Variants in YTHDC2 observed in about 807,000 individuals in gnomAD.
The protein encoded by YTHDC2 is YTH N6-methyladenosine RNA binding protein C2.
YTHDC2 carries 45 observed loss-of-function variants against 174.9 expected under a neutral mutation model. That is an observed-to-expected ratio of 0.26 (90% CI 0.20 to 0.33). The LOEUF is 0.33. YTHDC2 is among the 10% of genes least tolerant of loss of function. YTHDC2 has a pLI of 1.00. For missense variants in YTHDC2, 1,650 were observed against 1,723.7 expected (o/e 0.96, Z 0.76); for synonymous variants, 657 against 574.5 (o/e 1.14, Z -2.05).
At chr5:113,518,709 C>G (rs2112522377) in intron 2 of YTHDC2, among the ~76,000 whole-genome samples, 1 of 151,894 alleles carries the variant, frequency 6.6e-6, no homozygotes. Context: ...GACTCATTCT[C>G]TTATTTGGGC....
intron 24 of YTHDC2, 94 bp downstream of exon 24, chr5:113,579,789 C>T: frequency 7.4e-7 from 1 of 1,347,868 alleles, no homozygotes; most frequent in Non-Finnish European, 9.6e-7. Context: ...TACTATTGAG[C>T]CCTTAGTATC....
chr5:113,531,682 G>A (rs966594318), intron 4 of YTHDC2, among the ~76,000 whole-genome samples: 3 of 151,564 alleles, frequency 2.0e-5, no homozygotes, highest in African/African-American at 7.3e-5. Context: ...CCCACATCTG[G>A]ATGAACTAGT....
intron 16 of YTHDC2, among the ~76,000 whole-genome samples, chr5:113,555,164 G>A (rs946671905): frequency 6.6e-6 from 1 of 151,912 alleles, no homozygotes; most frequent in Non-Finnish European, 1.5e-5. Flanking sequence ...AGTGGATAAA[G>A]TGGGTTTTGA....
intron 19 of YTHDC2, 34 bp downstream of exon 19, chr5:113,563,526 T>A (rs753303121): frequency 4.1e-5 from 63 of 1,545,472 alleles, no homozygotes; most frequent in Non-Finnish European, 3.7e-5. Flanking sequence ...TTACATGACA[T>A]TTTTACTTGA....
intron 10 of YTHDC2, among the ~76,000 whole-genome samples, chr5:113,543,163 C>T (rs1019245852): frequency 6.6e-6 from 1 of 152,072 alleles, no homozygotes; most frequent in African/African-American, 2.4e-5. Flanking sequence ...CTCATCTACC[C>T]CCAGATTTAA....
chr5:113,555,553 A>T (rs1020670970), intron 16 of YTHDC2, among the ~76,000 whole-genome samples: 1 of 152,194 alleles, frequency 6.6e-6, no homozygotes, highest in African/African-American at 2.4e-5. Context: ...TTAGTAGCTC[A>T]GCAGGAAGTA....
intron 26 of YTHDC2, among the ~76,000 whole-genome samples, chr5:113,586,411 AG>A (rs1240646893): frequency 1.1e-4 from 16 of 152,036 alleles, no homozygotes; most frequent in African/African-American, 3.9e-4. Context: ...TCTGGGTACA[AG>A]GCTTAATTAT....
chr5:113,551,734 A>G (rs1004370343), intron 12 of YTHDC2, among the ~76,000 whole-genome samples: 2 of 152,186 alleles, frequency 1.3e-5, no homozygotes, highest in Non-Finnish European at 2.9e-5. Context: ...GTGCACATGT[A>G]TCCCAGAACT....
intron 17 of YTHDC2, among the ~76,000 whole-genome samples, chr5:113,558,390 G>A (rs758147376): frequency 7.2e-5 from 11 of 152,260 alleles, no homozygotes; most frequent in Non-Finnish European, 1.6e-4. Context: ...CCTATAATAA[G>A]GGAGAGATGA....
At chr5:113,531,906 T>G (rs556550177) in intron 4 of YTHDC2, among the ~76,000 whole-genome samples, 44 of 152,206 alleles carry the variant, frequency 2.9e-4, no homozygotes, top group African/African-American at 1.0e-3. Context: ...TGGGGAGCAA[T>G]TTGATAATTT....
intron 2 of YTHDC2, among the ~76,000 whole-genome samples, chr5:113,519,044 T>G (rs969833141): frequency 1.4e-5 from 1 of 71,634 alleles, no homozygotes; most frequent in Non-Finnish European, 2.4e-5. Flanking sequence ...AATTTAAGAT[T>G]TTTTTTTTTT....
At chr5:113,534,539 A>G (rs1774922111) in intron 6 of YTHDC2, 132 bp downstream of exon 6, 1 of 593,364 alleles carries the variant, frequency 1.7e-6, no homozygotes, top group South Asian at 2.8e-5. Context: ...AAAGAGAACC[A>G]ACTTATTCTT....
chr5:113,564,360 A>T (rs1777199138), intron 20 of YTHDC2, among the ~76,000 whole-genome samples: 1 of 151,994 alleles, frequency 6.6e-6, no homozygotes, highest in Admixed American at 6.6e-5. Flanking sequence ...ATATGTGTGT[A>T]TTTGTATATA....
At chr5:113,569,840 A>G (rs1179808115) in intron 23 of YTHDC2, among the ~76,000 whole-genome samples, 2 of 152,098 alleles carry the variant, frequency 1.3e-5, no homozygotes, top group South Asian at 2.1e-4. Context: ...TTTTGGTTCC[A>G]TAAGAATTTT....
At chr5:113,553,097 G>C in intron 12 of YTHDC2, 84 bp from the exon 13 acceptor site, 1 of 1,276,996 alleles carries the variant, frequency 7.8e-7, no homozygotes, top group Non-Finnish European at 1.0e-6. Context: ...ACCTTCCTTA[G>C]GGAATATTGG....
chr5:113,568,572 T>A (rs1350099854), intron 23 of YTHDC2, among the ~76,000 whole-genome samples: 1 of 152,174 alleles, frequency 6.6e-6, no homozygotes, highest in Non-Finnish European at 1.5e-5. Context: ...CCCCTGTCTG[T>A]GTCCATGTGT....
At chr5:113,554,412 A>G (rs1232661727) in intron 16 of YTHDC2, among the ~76,000 whole-genome samples, 1 of 152,094 alleles carries the variant, frequency 6.6e-6, no homozygotes, top group Non-Finnish European at 1.5e-5. Context: ...CCTTCTACAT[A>G]TGCACATGGA....
At position 113,595,250 on chromosome 5, in the gene YTHDC2, CT is replaced by C. The variant is rs1779199867; in HGVS notation, c.*1779del. The C allele has an allele frequency of 6.6e-6, 1 of 151,942 alleles. No individual in the cohort carries two copies. The highest frequency in any genetic ancestry group is 2.4e-5 in the African/African-American group (1 of 41,386). The allele number at this position is 151,942 out of a possible 1,614,324, so 9.4% of individuals were successfully genotyped here. Reference sequence around the variant, plus strand: ...AGTGCTGTTTTTTGGAAGCGATAAACTTTAAATATACTTATTAAAATGAAAT... The same window carrying C: ...AGTGCTGTTTTTTGGAAGCGATAAACTTAAATATACTTATTAAAATGAAAT... On this transcript the variant is annotated 3_prime_UTR_variant, in exon 30 of 30. Transcript: ENST00000161863.
rs188972921 is a variant in YTHDC2, at chr5:113,533,153, G to C, written c.842+108G>C. ...CGTTGAAAAGTTAGGTGATCATTTT[G>C]CTCCAAGTAAGTCTACATCAAGATA... On this transcript the variant is annotated intron_variant, in intron 5 of 29. Transcript: ENST00000161863. 2.3e-6 allele frequency: 3 copies of C among 1,284,000 alleles called. No homozygotes were observed. The Admixed American group carries it at 7.1e-5, about 30-fold the overall frequency. The allele number at this position is 1,284,000 out of a possible 1,614,324, so 79.5% of individuals were successfully genotyped here.
Sources: gnomAD v4.1 joint callset for allele counts (sites outside exome capture counted in the v4.1 genomes callset) on GRCh38, gnomAD v4.1.1 for gene constraint, MANE v1.5 for transcripts, NCBI Gene and HGNC (gene_info 2026-07-23, HGNC 2026-07-21) for gene names.